The following VANGL2 variants were observed in gnomAD, a reference collection of about 807,000 sequenced individuals.
The protein encoded by VANGL2 is vang-like protein 2.
Under a neutral mutation model 50.2 loss-of-function variants are expected in VANGL2, and 14 were observed. That is an observed-to-expected ratio of 0.28 (90% confidence interval 0.18 to 0.44). VANGL2 has a LOEUF of 0.44. Among genes scored for constraint, VANGL2 ranks in the 20% least tolerant of loss-of-function variants. The pLI is 1.00. For synonymous variants in VANGL2, 295 were observed against 297.2 expected (o/e 0.99, Z 0.08); for missense variants, 533 against 701.5 (o/e 0.76, Z 2.71).
intron 1 of VANGL2, among the ~76,000 whole-genome samples, chr1:160,415,093 C>T (rs1390960099): frequency 2.6e-5 from 4 of 152,128 alleles, no homozygotes; most frequent in Admixed American, 6.5e-5. Flanking sequence ...CTGATCTTAC[C>T]GGTAACACTG....
intron 1 of VANGL2, among the ~76,000 whole-genome samples, chr1:160,411,396 C>T (rs1650876110): frequency 6.6e-6 from 1 of 151,924 alleles, no homozygotes; most frequent in Admixed American, 6.6e-5. Context: ...GCCATCCCCT[C>T]CCCCCATCTC....
intron 1 of VANGL2, among the ~76,000 whole-genome samples, chr1:160,408,061 T>C (rs1041088860): frequency 6.6e-6 from 1 of 151,884 alleles, no homozygotes; most frequent in Non-Finnish European, 1.5e-5. Context: ...TAGGAATGGG[T>C]CTGGGGAAGG....
chr1:160,412,992 C>T (rs1206428263), intron 1 of VANGL2, among the ~76,000 whole-genome samples: 1 of 152,200 alleles, frequency 6.6e-6, no homozygotes, highest in East Asian at 1.9e-4. Context: ...GAGCAATAGG[C>T]TATACCATAA....
At chr1:160,421,308 T>C in intron 6 of VANGL2, 121 bp downstream of exon 6, 3 of 1,364,142 alleles carry the variant, frequency 2.2e-6, no homozygotes, top group East Asian at 2.5e-5. Context: ...TGGGGGTGTG[T>C]GCTTGTTTTC....
chr1:160,426,924 C>T lies in VANGL2; in HGVS notation c.*1546C>T, dbSNP rs1651474922. ...CTGGGATAAGATCCCCAGTGTCTCCCCTGGGAGGCTCCCCCTCTGTGTAGC... is the reference window on the plus strand; with the variant it reads ...CTGGGATAAGATCCCCAGTGTCTCCTCTGGGAGGCTCCCCCTCTGTGTAGC... On this transcript the variant is annotated 3_prime_UTR_variant, in exon 8 of 8. Transcript: ENST00000368061. The T allele has an allele frequency of 6.6e-6, 1 of 152,330 alleles. No individual in the cohort carries two copies. Among genetic ancestry groups the T allele is most frequent in the Non-Finnish European group, 1.5e-5 (1 of 68,084 alleles). The allele number at this position is 152,330 out of a possible 1,614,324, so 9.4% of individuals were successfully genotyped here.
At chr1:160,424,402 A>T in intron 7 of VANGL2, 119 bp downstream of exon 7, 1 of 988,956 alleles carries the variant, frequency 1.0e-6, no homozygotes. Context: ...CTCTCTCCTC[A>T]CCACCTCCTT....
chr1:160,415,352 C>T (rs1326769398), intron 1 of VANGL2, among the ~76,000 whole-genome samples: 1 of 152,220 alleles, frequency 6.6e-6, no homozygotes, highest in East Asian at 1.9e-4. Context: ...ATGCCCTGCT[C>T]CTCCCTTCCA....
At chr1:160,401,631 T>C (rs1287160041) in intron 1 of VANGL2, among the ~76,000 whole-genome samples, 1 of 151,890 alleles carries the variant, frequency 6.6e-6, no homozygotes, top group Non-Finnish European at 1.5e-5. Flanking sequence ...GTGTAGGTGT[T>C]TTTCTGTGCT....
At chr1:160,402,360 G>C (rs1650503823) in intron 1 of VANGL2, among the ~76,000 whole-genome samples, 1 of 152,172 alleles carries the variant, frequency 6.6e-6, no homozygotes, top group African/African-American at 2.4e-5. Context: ...AGCCGTCTCA[G>C]AGTTTGCTGC....
rs1316417191 is a variant in VANGL2 at position 160,425,606 on chromosome 1, C to T, written c.*228C>T. The T allele has an allele frequency of 5.4e-6, 3 of 551,550 alleles. No individual in the cohort carries two copies. Among genetic ancestry groups the T allele is most frequent in the Non-Finnish European group, 9.6e-6 (3 of 311,274 alleles). 34.2% of individuals were successfully genotyped at this position (551,550 alleles called of 1,614,324 possible). ...AACAGTACCTGGGAAGGACTCCCAC[C>T]TCACCAACAACTTTTGTATTACTCT... On this transcript the variant is annotated 3_prime_UTR_variant, in exon 8 of 8. Coordinates refer to ENST00000368061, the MANE Select transcript of VANGL2 (RefSeq NM_020335.3).
At position 160,424,040 on chromosome 1, in the gene VANGL2, C is replaced by T; in HGVS notation, c.1074-12C>T. 6.2e-7 allele frequency: 1 copy of T among 1,613,864 alleles called. No individual in the cohort carries two copies. Among genetic ancestry groups the T allele is most frequent in the Non-Finnish European group, 8.5e-7 (1 of 1,179,828 alleles). ...AGGTGGGCATCTGGCCCAGTCCCCT[C>T]CTGTCCCCTAGGCTTGTAGTGGCGG... is the stretch of plus-strand genomic sequence containing the variant. On this transcript the variant is annotated splice_polypyrimidine_tract_variant and intron_variant, in intron 6 of 7. Coordinates refer to ENST00000368061, the MANE Select transcript of VANGL2 (RefSeq NM_020335.3).
intron 1 of VANGL2, among the ~76,000 whole-genome samples, chr1:160,407,242 C>T (rs1279924111): frequency 2.0e-5 from 3 of 152,054 alleles, no homozygotes; most frequent in East Asian, 1.9e-4. Context: ...GGGGTGGTCG[C>T]GATGGTGGAG....
At chr1:160,402,597 C>A (rs1279102733) in intron 1 of VANGL2, among the ~76,000 whole-genome samples, 3 of 152,056 alleles carry the variant, frequency 2.0e-5, no homozygotes, top group African/African-American at 7.2e-5. Flanking sequence ...AAAAAGTTTC[C>A]CTTTTCCCTG....
intron 1 of VANGL2, among the ~76,000 whole-genome samples, chr1:160,403,007 T>C (rs1337507736): frequency 1.3e-5 from 2 of 152,242 alleles, no homozygotes; most frequent in East Asian, 3.9e-4. Context: ...CTAATGGGCA[T>C]GTGCAATTGG....
intron 1 of VANGL2, among the ~76,000 whole-genome samples, chr1:160,408,317 G>A (rs1650754865): frequency 6.6e-6 from 1 of 152,172 alleles, no homozygotes; most frequent in Non-Finnish European, 1.5e-5. Flanking sequence ...GTATTTTGGT[G>A]TGTTTGCGGA....
intron 5 of VANGL2, 43 bp downstream of exon 5, chr1:160,420,590 GC>G: frequency 1.9e-6 from 3 of 1,613,754 alleles, no homozygotes; most frequent in Non-Finnish European, 2.5e-6. Flanking sequence ...CTCTTCCCAA[GC>G]AGGACTCCAA....
At chr1:160,403,135 C>G (rs772611099) in intron 1 of VANGL2, among the ~76,000 whole-genome samples, 15 of 133,366 alleles carry the variant, frequency 1.1e-4, no homozygotes, top group Non-Finnish European at 2.3e-4. Flanking sequence ...TAGGAAAAGA[C>G]CTTTAAAAGA....
At chr1:160,409,213 C>T (rs568347495) in intron 1 of VANGL2, among the ~76,000 whole-genome samples, 1 of 152,352 alleles carries the variant, frequency 6.6e-6, no homozygotes, top group African/African-American at 2.4e-5. Context: ...AACCTGGTCT[C>T]ACTCCAAGAG....
Position 160,425,480 on chromosome 1 carries a change from C to A in VANGL2, c.*102C>A. On this transcript the variant is annotated 3_prime_UTR_variant, in exon 8 of 8. Transcript: ENST00000368061. ...CCACATTCCTGCCACCCTTCTTCTT[C>A]TTGCTCTTTTTTTTTTACTTGAATT... 1.0e-6 allele frequency: 1 copy of A among 983,270 alleles called. No individual in the cohort carries two copies. Among genetic ancestry groups the A allele is most frequent in the Non-Finnish European group, 1.4e-6 (1 of 725,252 alleles). 60.9% of individuals were successfully genotyped at this position (983,270 alleles called of 1,614,324 possible).
Sources: allele counts gnomAD v4.1 joint callset (sites outside exome capture counted in the v4.1 genomes callset), GRCh38; gene constraint gnomAD v4.1.1; transcripts MANE v1.5; gene names NCBI Gene and HGNC (gene_info 2026-07-23, HGNC 2026-07-21).